NCK2: variants seen among roughly 807,000 people sequenced by gnomAD.
NCK2 encodes the protein NCK adaptor protein 2.
Under a neutral mutation model 33.9 loss-of-function variants are expected in NCK2, and 16 were observed. That is an observed-to-expected ratio of 0.47 (90% CI 0.32 to 0.72). The LOEUF (loss-of-function observed/expected upper bound fraction) is 0.72. Ranked by LOEUF, NCK2 falls within the 30% of genes least tolerant of loss-of-function variation. The pLI is 0.03. For synonymous variants in NCK2, 273 were observed against 239.9 expected (o/e 1.14, Z -1.27); for missense variants, 418 against 537.3 (o/e 0.78, Z 2.19).
At chr2:105,808,130 C>T (rs1220148502) in intron 1 of NCK2, among the ~76,000 whole-genome samples, 1 of 152,084 alleles carries the variant, frequency 6.6e-6, no homozygotes, top group Non-Finnish European at 1.5e-5. Flanking sequence ...CTTGATCTGA[C>T]CTCATGATCC....
At chr2:105,846,254 T>G (rs1257250405) in intron 2 of NCK2, among the ~76,000 whole-genome samples, 1 of 152,160 alleles carries the variant, frequency 6.6e-6, no homozygotes, top group Non-Finnish European at 1.5e-5. Flanking sequence ...CACCACTTCT[T>G]TTTTTTCTGT....
chr2:105,809,180 G>A (rs1675199943), intron 1 of NCK2, among the ~76,000 whole-genome samples: 1 of 152,124 alleles, frequency 6.6e-6, no homozygotes, highest in African/African-American at 2.4e-5. Flanking sequence ...TGGGTCACCT[G>A]GTGGTTTTGA....
chr2:105,825,088 T>A (rs1441064893), intron 2 of NCK2, among the ~76,000 whole-genome samples: 1 of 152,182 alleles, frequency 6.6e-6, no homozygotes, highest in Non-Finnish European at 1.5e-5. Flanking sequence ...AGACATGGCC[T>A]GGCTCCTGCC....
At chr2:105,848,110 T>C (rs58421301) in intron 2 of NCK2, among the ~76,000 whole-genome samples, 3,920 of 152,322 alleles carry the variant, frequency 0.026, 89 homozygotes, top group East Asian at 0.1. Flanking sequence ...GACTGGGCAT[T>C]ACGTGGACAT....
chr2:105,842,961 C>T (rs1676707737), intron 2 of NCK2, among the ~76,000 whole-genome samples: 1 of 152,136 alleles, frequency 6.6e-6, no homozygotes, highest in Admixed American at 6.5e-5. Flanking sequence ...AAAATACCAT[C>T]AGGCTTCACA....
chr2:105,882,056 G>T lies in NCK2; in HGVS notation c.948+7G>T. Reference sequence around the variant, plus strand: ...TAGGGACAGCGAGTCCTCGGTAAGTGCGCTGCGCCCACAGCTCCGGCTGCA... The same window carrying T: ...TAGGGACAGCGAGTCCTCGGTAAGTTCGCTGCGCCCACAGCTCCGGCTGCA... On this transcript the variant is annotated splice_region_variant and intron_variant, in intron 4 of 4. Transcript: ENST00000233154. 2 of 1,492,656 alleles carry T rather than the reference G, an allele frequency of 1.3e-6. No homozygotes were observed. The highest frequency in any genetic ancestry group is 1.8e-6 in the Non-Finnish European group (2 of 1,121,152). 92.5% of individuals were successfully genotyped at this position (1,492,656 alleles called of 1,614,324 possible).
chr2:105,887,818 A>G (rs1678778641), intron 4 of NCK2, among the ~76,000 whole-genome samples: 1 of 152,222 alleles, frequency 6.6e-6, no homozygotes, highest in Non-Finnish European at 1.5e-5. Context: ...TTCAGCAAGT[A>G]TTTGAGGCAA....
At chr2:105,794,247 T>C (rs1015045087) in intron 1 of NCK2, among the ~76,000 whole-genome samples, 1 of 151,990 alleles carries the variant, frequency 6.6e-6, no homozygotes, top group African/African-American at 2.4e-5. Flanking sequence ...TTCTAAAATT[T>C]CACCATGTTG....
rs566258987 is a variant in NCK2, at chr2:105,848,349, C to T, written c.-16-6699C>T. 1.4e-3 allele frequency among the ~76,000 whole-genome samples: 213 copies of T among 152,274 alleles called. 1 individual carries two copies. Among genetic ancestry groups the T allele is most frequent in the Non-Finnish European group, 1.7e-3 (115 of 68,006 alleles). ...GAAGAGGATCTTTCACAAAAGTGGT[C>T]CTATCAGTGTCCACAGAGGAAACCT... On this transcript the variant is annotated intron_variant, in intron 2 of 4. Coordinates refer to ENST00000233154, the MANE Select transcript of NCK2 (RefSeq NM_003581.5).
chr2:105,754,223 G>A (rs182370222), intron 1 of NCK2, among the ~76,000 whole-genome samples: 113 of 152,330 alleles, frequency 7.4e-4, no homozygotes, highest in African/African-American at 2.6e-3. Context: ...CACGTAGCAG[G>A]TTCCAGGATA....
intron 1 of NCK2, among the ~76,000 whole-genome samples, chr2:105,808,832 G>A (rs1675185353): frequency 6.6e-6 from 1 of 152,128 alleles, no homozygotes; most frequent in African/African-American, 2.4e-5. Flanking sequence ...AATGATGTGG[G>A]GTGTGATACT....
At chr2:105,838,233 G>A (rs1342106703) in intron 2 of NCK2, among the ~76,000 whole-genome samples, 1 of 151,740 alleles carries the variant, frequency 6.6e-6, no homozygotes, top group Non-Finnish European at 1.5e-5. Context: ...TCAATGTTCA[G>A]CAGCATATTT....
chr2:105,843,370 G>A (rs1489238108), intron 2 of NCK2, among the ~76,000 whole-genome samples: 1 of 146,078 alleles, frequency 6.8e-6, no homozygotes, highest in Non-Finnish European at 1.5e-5. Flanking sequence ...TTCTTAGCCT[G>A]TATTTCTGTA....
At chr2:105,825,335 A>G (rs1675899743) in intron 2 of NCK2, among the ~76,000 whole-genome samples, 1 of 152,202 alleles carries the variant, frequency 6.6e-6, no homozygotes, top group Non-Finnish European at 1.5e-5. Context: ...CACCTGAGAT[A>G]ATTCATCATA....
chr2:105,771,507 G>A (rs1020882651), intron 1 of NCK2, among the ~76,000 whole-genome samples: 1 of 152,120 alleles, frequency 6.6e-6, no homozygotes, highest in Non-Finnish European at 1.5e-5. Flanking sequence ...GAATGTTGCA[G>A]TAAGCCGAGA....
At chr2:105,839,970 G>C (rs774109858) in intron 2 of NCK2, among the ~76,000 whole-genome samples, 2 of 152,194 alleles carry the variant, frequency 1.3e-5, no homozygotes, top group Non-Finnish European at 2.9e-5. Flanking sequence ...AGTGTCTGCT[G>C]TAGTGGACAT....
At chr2:105,793,808 G>C (rs984926939) in intron 1 of NCK2, among the ~76,000 whole-genome samples, 2 of 152,140 alleles carry the variant, frequency 1.3e-5, no homozygotes, top group Non-Finnish European at 2.9e-5. Flanking sequence ...AGGGAGCTGT[G>C]GGGGTTTCAG....
At chr2:105,751,373 C>G (rs1217690677) in intron 1 of NCK2, among the ~76,000 whole-genome samples, 1 of 152,142 alleles carries the variant, frequency 6.6e-6, no homozygotes, top group Admixed American at 6.5e-5. Context: ...CCATTCCTGC[C>G]AATCCATCCC....
At chr2:105,801,017 A>AG (rs1474429534) in intron 1 of NCK2, among the ~76,000 whole-genome samples, 1 of 152,204 alleles carries the variant, frequency 6.6e-6, no homozygotes, top group Non-Finnish European at 1.5e-5. Context: ...CGCAGAAAAA[A>AG]GCAGAAGCAG....
Sources: gnomAD v4.1 joint callset for allele counts (sites outside exome capture counted in the v4.1 genomes callset) on GRCh38, gnomAD v4.1.1 for gene constraint, MANE v1.5 for transcripts, NCBI Gene and HGNC (gene_info 2026-07-23, HGNC 2026-07-21) for gene names.